The following CAPN1 variants were observed in gnomAD, a reference collection of about 807,000 sequenced individuals.
The protein encoded by CAPN1 is calpain-1 catalytic subunit.
CAPN1 carries 77 observed loss-of-function variants against 105.2 expected under a neutral mutation model. That is an observed-to-expected ratio of 0.73 (90% CI 0.61 to 0.88). The LOEUF (loss-of-function observed/expected upper bound fraction) is 0.88. Ranked by LOEUF, CAPN1 falls within the 40% of genes least tolerant of loss-of-function variation. The probability of loss-of-function intolerance (pLI) is 0.00; values close to 1 mark genes in which losing one functional copy is unlikely to be tolerated. For missense variants in CAPN1, 833 were observed against 976.6 expected (o/e 0.85, Z 1.96); for synonymous variants, 355 against 388.8 (o/e 0.91, Z 1.02).
At chr11:65,205,653 G>A in intron 11 of CAPN1, 57 bp from the exon 12 acceptor site, 3 of 1,586,656 alleles carry the variant, frequency 1.9e-6, no homozygotes, top group Non-Finnish European at 1.7e-6. Context: ...AGCATGCACT[G>A]TGACCCCGCC....
chr11:65,195,592 C>A (rs1010527713), intron 10 of CAPN1, among the ~76,000 whole-genome samples: 3 of 152,136 alleles, frequency 2.0e-5, no homozygotes, highest in African/African-American at 7.2e-5. Flanking sequence ...CCCACTTCAT[C>A]ATGGTGTATA....
At chr11:65,182,997 G>A (rs754528916) in intron 2 of CAPN1, 29 bp downstream of exon 2, 13 of 1,612,232 alleles carry the variant, frequency 8.1e-6, no homozygotes, top group South Asian at 2.2e-5. Context: ...GGTGGGACTC[G>A]GCTAAGCCAG....
Position 65,210,198 on chromosome 11 carries a change from T to A in CAPN1, c.1942+102T>A. On this transcript the variant is annotated intron_variant, in intron 19 of 21. Transcript: ENST00000279247. This position sits in a 1 kb window ranked among gnomAD's most constrained non-coding sequence, Gnocchi z 4.3. The stretch of plus-strand genomic sequence containing the variant: ...CCCTGGGGTGCTAGTGGTGACATGG[T>A]AACAGCCATCTTGTCCTTTTCCCCA... 1 of 1,178,354 alleles carries A rather than the reference T, an allele frequency of 8.5e-7. No homozygotes were observed. The highest frequency in any genetic ancestry group is 1.3e-6 in the Non-Finnish European group (1 of 791,958). 73.0% of individuals were successfully genotyped at this position (1,178,354 alleles called of 1,614,324 possible). A position where few individuals can be genotyped will look rare whatever the true frequency, so the allele number is the denominator to read the frequency against.
chr11:65,197,665 T>A (rs1948810285), intron 10 of CAPN1, among the ~76,000 whole-genome samples: 2 of 152,072 alleles, frequency 1.3e-5, no homozygotes, highest in Admixed American at 1.3e-4. Flanking sequence ...GGTGGACGGA[T>A]CACCTGAGGT....
At chr11:65,206,347 C>T in intron 12 of CAPN1, 116 bp from the exon 13 acceptor site, 1 of 771,058 alleles carries the variant, frequency 1.3e-6, no homozygotes, top group Non-Finnish European at 2.2e-6. Context: ...TGAGCCATGC[C>T]CCAGCTCTCC....
Position 65,209,787 on chromosome 11 carries a change from C to A in CAPN1, c.1795-62C>A. ...CTCGGCGGCCATCTCCCCTTCTGCACAGTTGCCCACTCTCCCATGACTGGT... is the reference window on the plus strand; with the variant it reads ...CTCGGCGGCCATCTCCCCTTCTGCAAAGTTGCCCACTCTCCCATGACTGGT... On this transcript the variant is annotated intron_variant, in intron 17 of 21. Transcript: ENST00000279247. This position sits in a 1 kb window ranked among gnomAD's most constrained non-coding sequence, Gnocchi z 4.1. The A allele has an allele frequency of 1.3e-6, 2 of 1,533,492 alleles. No homozygotes were observed. Among genetic ancestry groups the A allele is most frequent in the Non-Finnish European group, 1.8e-6 (2 of 1,117,930 alleles). 95.0% of individuals were successfully genotyped at this position (1,533,492 alleles called of 1,614,324 possible). A position where few individuals can be genotyped will look rare whatever the true frequency, so the allele number is the denominator to read the frequency against.
chr11:65,184,051 C>T (rs1182568737), intron 4 of CAPN1, among the ~76,000 whole-genome samples: 1 of 152,132 alleles, frequency 6.6e-6, no homozygotes, highest in African/African-American at 2.4e-5. Context: ...TCTACGTAAA[C>T]CAGCTTTTCC....
At chr11:65,195,573 G>C (rs1948782870) in intron 10 of CAPN1, among the ~76,000 whole-genome samples, 2 of 152,016 alleles carry the variant, frequency 1.3e-5, no homozygotes. Flanking sequence ...TTGCATTCCT[G>C]GGATAAATCC....
intron 4 of CAPN1, 83 bp downstream of exon 4, chr11:65,183,675 A>C: frequency 2.2e-6 from 2 of 928,848 alleles, no homozygotes; most frequent in South Asian, 1.4e-5. Context: ...AGTTAGGGCC[A>C]CACCCTGTGG....
At chr11:65,202,830 A>G (rs1336997846) in intron 10 of CAPN1, among the ~76,000 whole-genome samples, 1 of 152,162 alleles carries the variant, frequency 6.6e-6, no homozygotes, top group Non-Finnish European at 1.5e-5. Flanking sequence ...CCATCACCAC[A>G]TCAATTTTAG....
In CAPN1 at chr11:65,188,380, C is replaced by T; in HGVS notation, c.930-34C>T. 12 of 1,578,382 alleles carry T rather than the reference C, an allele frequency of 7.6e-6. No homozygotes were observed. Among genetic ancestry groups the T allele is most frequent in the Non-Finnish European group, 1.0e-5 (12 of 1,157,984 alleles). On this transcript the variant is annotated intron_variant, in intron 8 of 21. Transcript: ENST00000279247. This position sits in a 1 kb window ranked among gnomAD's most constrained non-coding sequence, Gnocchi z 5.5. The stretch of plus-strand genomic sequence containing the variant: ...GGGACAGAGGCCAGGCAGGTCAGTG[C>T]CCACCAGCCCTGGCAGAGCCCTGCT...
intron 10 of CAPN1, among the ~76,000 whole-genome samples, chr11:65,195,961 G>A (rs1320754116): frequency 6.6e-6 from 1 of 151,902 alleles, no homozygotes; most frequent in African/African-American, 2.4e-5. Flanking sequence ...TTGGTGCTTT[G>A]TTTCTTTCTA....
At chr11:65,183,857 G>A (rs1213479328) in intron 4 of CAPN1, among the ~76,000 whole-genome samples, 1 of 152,110 alleles carries the variant, frequency 6.6e-6, no homozygotes, top group Admixed American at 6.5e-5. Context: ...ATATCCTGTG[G>A]GACAAATTCC....
At chr11:65,201,481 T>C (rs1948867984) in intron 10 of CAPN1, among the ~76,000 whole-genome samples, 1 of 152,096 alleles carries the variant, frequency 6.6e-6, no homozygotes, top group Non-Finnish European at 1.5e-5. Context: ...TTGAGGTTAT[T>C]TTTTCCTTCC....
In CAPN1 at chr11:65,204,794, A is replaced by C; in HGVS notation, c.1277A>C (p.Lys426Thr). The C allele has an allele frequency of 6.2e-7, 1 of 1,612,904 alleles. No individual in the cohort carries two copies. The highest frequency in any genetic ancestry group is 1.3e-5 in the African/African-American group (1 of 75,072). Residue 426 changes from lysine (K) to threonine (T), a missense_variant, in exon 11 of 22, where the codon AAG (lysine) becomes ACG (threonine). Coordinates refer to ENST00000279247, the MANE Select transcript of CAPN1 (RefSeq NM_005186.4). Reference protein sequence around the residue: ...GCSFVLALMQKHRRRERRFGR... With the variant: ...GCSFVLALMQTHRRRERRFGR... The stretch of plus-strand genomic sequence containing the variant: ...AGCTTCGTGCTCGCCCTTATGCAGA[A>C]GCACCGTCGCCGCGAGCGCCGCTTC...
At position 65,211,399 on chromosome 11, in the gene CAPN1, A is replaced by C; in HGVS notation, c.*113A>C. 1.0e-6 allele frequency: 1 copy of C among 998,544 alleles called. No individual in the cohort carries two copies. Among genetic ancestry groups the C allele is most frequent in the South Asian group, 1.3e-5 (1 of 74,226 alleles). 61.9% of individuals were successfully genotyped at this position (998,544 alleles called of 1,614,324 possible). On this transcript the variant is annotated 3_prime_UTR_variant, in exon 22 of 22. Coordinates refer to ENST00000279247, the MANE Select transcript of CAPN1 (RefSeq NM_005186.4). ...GCTGCAAGTGCCTTCCTTGGAGCAG[A>C]GAGGCAGCCTCGTCCTCCTGTCCCC...
Position 65,210,880 on chromosome 11 carries a change from C to A in CAPN1, c.2118+8C>A, listed in dbSNP as rs375247099. ...ACCTTTGACTTGTTTAAGGTGGGAA[C>A]CTCCCTGGGCCCATGGTTGGGGAAG... is the stretch of plus-strand genomic sequence containing the variant. On this transcript the variant is annotated splice_region_variant and intron_variant, in intron 21 of 21. Coordinates refer to ENST00000279247, the MANE Select transcript of CAPN1 (RefSeq NM_005186.4). The surrounding 1 kb of genome is among the most constrained non-coding windows in gnomAD (Gnocchi z 4.3). 4.4e-6 allele frequency: 7 copies of A among 1,608,022 alleles called. No individual in the cohort carries two copies. In the African/African-American group the frequency reaches 8.0e-5, roughly 18 times the overall value.
At chr11:65,198,706 T>C (rs1948826008) in intron 10 of CAPN1, among the ~76,000 whole-genome samples, 2 of 152,164 alleles carry the variant, frequency 1.3e-5, no homozygotes, top group Non-Finnish European at 2.9e-5. Context: ...ACATATCCTT[T>C]TGTATTTCCT....
Position 65,211,550 on chromosome 11 carries a change from G to A in CAPN1, c.*264G>A, listed in dbSNP as rs1949049772. On this transcript the variant is annotated 3_prime_UTR_variant, in exon 22 of 22. Transcript: ENST00000279247. ...TTGCCAAGCCAGGAAGGCAGCTTTC[G>A]CTTGTTCCTGCCTCGGGACAGCCCC... 4 of 576,458 alleles carry A rather than the reference G, an allele frequency of 6.9e-6. No individual in the cohort carries two copies. The highest frequency in any genetic ancestry group is 2.1e-5 in the South Asian group (1 of 48,052). The allele number at this position is 576,458 out of a possible 1,614,324, so 35.7% of individuals were successfully genotyped here. A position where few individuals can be genotyped will look rare whatever the true frequency, so the allele number is the denominator to read the frequency against.
Sources: gnomAD v4.1 joint callset for allele counts (sites outside exome capture counted in the v4.1 genomes callset) on GRCh38, gnomAD v4.1.1 for gene constraint, Gnocchi (gnomAD v3.1) non-coding constraint, MANE v1.5 for transcripts, NCBI Gene and HGNC (gene_info 2026-07-23, HGNC 2026-07-21) for gene names.